VPS52: variants seen among roughly 807,000 people sequenced by gnomAD.
VPS52 encodes VPS52 subunit of GARP complex.
In VPS52, 56 loss-of-function variants were observed where a neutral mutation model predicts 98.7. That is an observed-to-expected ratio of 0.57 (90% confidence interval 0.46 to 0.71). The LOEUF (loss-of-function observed/expected upper bound fraction) is 0.71, where lower values mean the gene tolerates loss of function less well. Ranked by LOEUF, VPS52 falls within the 30% of genes least tolerant of loss-of-function variation. VPS52 has a pLI of 0.00. For synonymous variants in VPS52, 348 were observed against 346.4 expected, an observed-to-expected ratio of 1.00 and a Z score of -0.05; for missense variants, 742 against 925.9, an observed-to-expected ratio of 0.80 and a Z score of 2.58.
chr6:33,269,867 G>C, intron 3 of VPS52, 48 bp from the exon 4 acceptor site: 1 of 1,594,168 alleles, frequency 6.3e-7, no homozygotes, highest in Non-Finnish European at 8.6e-7. Flanking sequence ...TCAGTAAAGG[G>C]ACACTGTAAC....
intron 1 of VPS52, among the ~76,000 whole-genome samples, chr6:33,270,653 A>G (rs1015692119): frequency 2.0e-5 from 3 of 152,156 alleles, no homozygotes; most frequent in Non-Finnish European, 4.4e-5. Flanking sequence ...GGTAAAAGAC[A>G]AGACAGTGCA....
At position 33,268,743 on chromosome 6, in the gene VPS52, A is replaced by G; in HGVS notation, c.549-94T>C. ...ACACTCCTTACCTCCAGCCCCTGTC[A>G]TCTCTACCACCTTGCATTGTACCAT... is the stretch of plus-strand genomic sequence containing the variant. On this transcript the variant is annotated intron_variant, in intron 6 of 19. Transcript: ENST00000445902. The surrounding 1 kb of genome is among the most constrained non-coding windows in gnomAD (Gnocchi z 4.0). The G allele has an allele frequency of 2.1e-6, 3 of 1,412,848 alleles. 1 individual carries two copies. The highest frequency in any genetic ancestry group is 2.8e-5 in the South Asian group (2 of 72,416). 87.5% of individuals were successfully genotyped at this position (1,412,848 alleles called of 1,614,324 possible).
At chr6:33,258,294 G>A (rs1389178126) in intron 17 of VPS52, among the ~76,000 whole-genome samples, 1 of 151,254 alleles carries the variant, frequency 6.6e-6, no homozygotes, top group African/African-American at 2.4e-5. Context: ...GGCTGAGAAA[G>A]GATAAGTGCT....
intron 16 of VPS52, 59 bp downstream of exon 16, chr6:33,263,713 A>C (rs926522421): frequency 1.9e-6 from 3 of 1,597,398 alleles, no homozygotes; most frequent in Non-Finnish European, 2.6e-6. Flanking sequence ...CAGAGCTAAC[A>C]GCAGTGGGGG....
At position 33,269,086 on chromosome 6, in the gene VPS52, C is replaced by T. The variant is rs535462681; in HGVS notation, c.476G>A (p.Arg159Gln). The T allele has an allele frequency of 8.1e-6, 13 of 1,612,954 alleles. No homozygotes were observed. In the South Asian group the frequency reaches 9.9e-5, roughly 12 times the overall value. Residue 159 changes from arginine to glutamine, a missense_variant, in exon 6 of 20, where the codon CGA becomes CAA. Around this residue, in one of 2 missense-constraint regions of VPS52, gnomAD observed 590 missense variants for 793.3 expected, o/e 0.74. Transcript: ENST00000445902. ...EQSGAMNIRL[R>Q]NRQAVRGKLG... ...TTTCCCCCGAACTGCCTGGCGATTT[C>T]GAAGTCGAATGTTCATGGCTCCTGA...
chr6:33,264,223 A>G, intron 14 of VPS52, 120 bp from the exon 15 acceptor site: 1 of 1,529,264 alleles, frequency 6.5e-7, no homozygotes, highest in Non-Finnish European at 9.0e-7. Context: ...CCTCCTACCC[A>G]CAGTGCACCA....
Position 33,269,022 on chromosome 6 carries a change from A to C in VPS52, c.540T>G (p.Ala180=). 1 of 1,612,212 alleles carries C rather than the reference A, an allele frequency of 6.2e-7. No homozygotes were observed. The part of the protein sequence containing the change: ...ELVDGLVVPS[A]LVTAILEAPV... ...TCAAACTGGTAACTCACGTGACCAG[A>C]GCAGAAGGCACCACCAGACCATCAA... The change falls in exon 6 of 20, where the codon GCT becomes GCG. Residue 180 remains alanine (A), a synonymous_variant. Coordinates refer to ENST00000445902, the MANE Select transcript of VPS52 (RefSeq NM_022553.6).
chr6:33,264,394 A>ACC lies in VPS52; in HGVS notation c.1502_1503dup (p.Leu502GlyfsTer64), dbSNP rs1210370855. 6.2e-7 allele frequency: 1 copy of ACC among 1,613,780 alleles called. No individual in the cohort carries two copies. Among genetic ancestry groups the ACC allele is most frequent in the South Asian group, 1.1e-5 (1 of 91,056 alleles). On this transcript the variant is annotated frameshift_variant, in exon 14 of 20. Transcript: ENST00000445902. LOFTEE classifies it high-confidence loss of function. The stretch of plus-strand genomic sequence containing the variant: ...CTCACATAGTGGGGCCGAGTATCCA[A>ACC]CCCCCCTAGGCGCTGGGGGTCAGTG...
rs1468799838 is a variant in VPS52 at position 33,268,134 on chromosome 6, G to T, written c.774C>A (p.Ile258=). The T allele has an allele frequency of 6.2e-6, 10 of 1,612,954 alleles. No individual in the cohort carries two copies. Among genetic ancestry groups the T allele is most frequent in the Non-Finnish European group, 8.5e-6 (10 of 1,180,042 alleles). ...SFRKPMTNYQ[I]PQTALLKYRF... ...TGTACTTCAGCAGGGCCGTCTGGGG[G>T]ATCTGATAGTTGGTCATGGGTTTCC... Residue 258 remains isoleucine (I), a synonymous_variant, in exon 8 of 20, where the codon ATC becomes ATA. Transcript: ENST00000445902. The surrounding 1 kb of genome is among the most constrained non-coding windows in gnomAD (Gnocchi z 4.0).
intron 17 of VPS52, among the ~76,000 whole-genome samples, chr6:33,254,306 T>C (rs1474634054): frequency 3.3e-5 from 5 of 151,934 alleles, no homozygotes; most frequent in Non-Finnish European, 7.4e-5. Flanking sequence ...TAAATAAAAA[T>C]TGTATCTTTT....
At position 33,251,974 on chromosome 6, in the gene VPS52, G is replaced by A; in HGVS notation, c.1795-3C>T. ...GACAGCAACTCTTCAATGAATTCCT[G>A]GAAAGACACAAACACATATACACAG... is the stretch of plus-strand genomic sequence containing the variant. On this transcript the variant is annotated splice_region_variant and splice_polypyrimidine_tract_variant and intron_variant, in intron 17 of 19. Transcript: ENST00000445902. 6.2e-7 allele frequency: 1 copy of A among 1,612,512 alleles called. No homozygotes were observed. The highest frequency in any genetic ancestry group is 8.5e-7 in the Non-Finnish European group (1 of 1,179,616).
intron 11 of VPS52, 108 bp from the exon 12 acceptor site, chr6:33,266,820 G>A: frequency 7.2e-7 from 1 of 1,384,366 alleles, no homozygotes; most frequent in Non-Finnish European, 9.7e-7. Flanking sequence ...GAGCTAGGCA[G>A]ACCCTTCGCA....
chr6:33,270,146 C>T (rs1222609615), intron 2 of VPS52, 53 bp downstream of exon 2: 12 of 1,611,098 alleles, frequency 7.4e-6, no homozygotes, highest in Non-Finnish European at 9.3e-6. Context: ...TTCCTTCCAG[C>T]CCCCATGCCT....
Position 33,268,345 on chromosome 6 carries a change from G to A in VPS52, c.700-137C>T. The A allele has an allele frequency of 7.4e-7, 1 of 1,349,380 alleles. No individual in the cohort carries two copies. The highest frequency in any genetic ancestry group is 1.0e-6 in the Non-Finnish European group (1 of 973,432). The allele number at this position is 1,349,380 out of a possible 1,614,324, so 83.6% of individuals were successfully genotyped here. The stretch of plus-strand genomic sequence containing the variant: ...CTTTGGTATTTCTCAAGATTTTCAG[G>A]GAAACCCAGAGAGACAAGAATGGGG... On this transcript the variant is annotated intron_variant, in intron 7 of 19. Coordinates refer to ENST00000445902, the MANE Select transcript of VPS52 (RefSeq NM_022553.6). This position sits in a 1 kb window ranked among gnomAD's most constrained non-coding sequence, Gnocchi z 4.0.
At position 33,271,667 on chromosome 6, in the gene VPS52, G is replaced by T. The variant is rs893196352; in HGVS notation, c.9C>A (p.Ala3=). The change falls in exon 1 of 20, where the codon GCC becomes GCA. Residue 3 remains alanine (A), a synonymous_variant. Coordinates refer to ENST00000445902, the MANE Select transcript of VPS52 (RefSeq NM_022553.6). MA[A]AATMAAAARE... Reference sequence around the variant, plus strand: ...GGGCCGCAGCCGCCATGGTCGCAGCGGCGGCCATTCCCCGCAGCCTCACTT... The same window carrying T: ...GGGCCGCAGCCGCCATGGTCGCAGCTGCGGCCATTCCCCGCAGCCTCACTT... 6.2e-7 allele frequency: 1 copy of T among 1,608,252 alleles called. No individual in the cohort carries two copies. The highest frequency in any genetic ancestry group is 8.5e-7 in the Non-Finnish European group (1 of 1,176,888).
intron 17 of VPS52, among the ~76,000 whole-genome samples, chr6:33,258,273 G>A (rs1326735704): frequency 1.3e-5 from 2 of 151,572 alleles, no homozygotes; most frequent in East Asian, 3.9e-4. Context: ...TGTAATCCCA[G>A]CTACTCAGGA....
intron 1 of VPS52, chr6:33,271,154 T>C: frequency 1.9e-6 from 1 of 528,512 alleles, no homozygotes; most frequent in Non-Finnish European, 3.4e-6. Flanking sequence ...CCAGGTGCAA[T>C]CTTACACATA....
At chr6:33,252,703 G>A (rs566244018) in intron 17 of VPS52, among the ~76,000 whole-genome samples, 96 of 151,408 alleles carry the variant, frequency 6.3e-4, no homozygotes, top group Non-Finnish European at 1.2e-3. Flanking sequence ...GTTTTAGAAA[G>A]TCAACAGATT....
intron 1 of VPS52, 101 bp from the exon 2 acceptor site, chr6:33,270,384 T>C (rs959226353): frequency 3.7e-6 from 4 of 1,088,412 alleles, no homozygotes; most frequent in South Asian, 1.5e-5. Context: ...GAGCTGCTTT[T>C]ACTGGGAGCC....
Sources: gnomAD v4.1 joint callset for allele counts (sites outside exome capture counted in the v4.1 genomes callset) on GRCh38, gnomAD v4.1.1 for gene constraint, gnomAD v4.1.1 regional missense constraint, Gnocchi (gnomAD v3.1) non-coding constraint, MANE v1.5 for transcripts, NCBI Gene and HGNC (gene_info 2026-07-23, HGNC 2026-07-21) for gene names.